PCDHA4: variants seen among roughly 807,000 people sequenced by gnomAD.
PCDHA4 encodes the protein protocadherin alpha-4.
A neutral mutation model predicts 61.4 loss-of-function variants in PCDHA4; 49 were observed. That is an observed-to-expected ratio of 0.80 (90% CI 0.63 to 1.01). PCDHA4 has a LOEUF of 1.01. Among genes scored for constraint, PCDHA4 ranks in the 50% least tolerant of loss-of-function variants. The probability of loss-of-function intolerance (pLI) is 0.00; values close to 1 mark genes in which losing one functional copy is unlikely to be tolerated. For synonymous variants in PCDHA4, 590 were observed against 550.3 expected (o/e 1.07, Z -1.01); for missense variants, 1,254 against 1,235.8 (o/e 1.01, Z -0.22).
intron 1 of PCDHA4, chr5:140,850,222 C>T (rs1554144012): frequency 6.3e-7 from 1 of 1,593,746 alleles, no homozygotes; most frequent in East Asian, 2.2e-5. Flanking sequence ...ACTGACGGCG[C>T]AGTGAGCGAG....
intron 1 of PCDHA4, chr5:140,861,891 C>T (rs2047126506): frequency 6.5e-6 from 1 of 154,838 alleles, no homozygotes; most frequent in African/African-American, 2.4e-5. Flanking sequence ...CTGACAGGCA[C>T]CAAAGCATTA....
intron 1 of PCDHA4, chr5:140,829,943 G>T (rs1195178508): frequency 1.2e-6 from 2 of 1,613,992 alleles, no homozygotes; most frequent in Non-Finnish European, 1.7e-6. Flanking sequence ...GGCAAGCAGC[G>T]CTCGCTTCCC....
chr5:140,825,585 G>A (rs1768643956), intron 1 of PCDHA4: 1 of 151,552 alleles, frequency 6.6e-6, no homozygotes, highest in Non-Finnish European at 1.5e-5. Flanking sequence ...CCCACACCTG[G>A]CTAATTTTTT....
intron 1 of PCDHA4, among the ~76,000 whole-genome samples, chr5:140,922,557 CA>C (rs1214132732): frequency 3.2e-4 from 49 of 152,258 alleles, no homozygotes; most frequent in African/African-American, 1.1e-3. Context: ...GGAGAAAAGT[CA>C]GGATGACAAG....
intron 1 of PCDHA4, among the ~76,000 whole-genome samples, chr5:140,839,123 G>A (rs1346633787): frequency 6.6e-6 from 1 of 151,664 alleles, no homozygotes; most frequent in Admixed American, 6.6e-5. Flanking sequence ...GCCATAATAT[G>A]TCATTCACAT....
intron 1 of PCDHA4, chr5:140,967,112 C>G: frequency 6.2e-7 from 1 of 1,612,994 alleles, no homozygotes; most frequent in Non-Finnish European, 8.5e-7. Context: ...GCAGCGGCCT[C>G]GCTGCCTGCT....
intron 1 of PCDHA4, chr5:140,870,948 C>A (rs868931274): frequency 1.2e-6 from 2 of 1,613,466 alleles, no homozygotes; most frequent in African/African-American, 1.3e-5. Context: ...CGGCGGCGGG[C>A]GGCTCGCGCA....
At chr5:140,928,008 T>C in intron 1 of PCDHA4, 1 of 1,614,158 alleles carries the variant, frequency 6.2e-7, no homozygotes, top group Non-Finnish European at 8.5e-7. Context: ...TCGATTCTAA[T>C]GGTAGGGTCA....
intron 1 of PCDHA4, among the ~76,000 whole-genome samples, chr5:140,901,805 T>G (rs115665679): frequency 0.012 from 1,857 of 152,304 alleles, 44 homozygotes; most frequent in African/African-American, 0.042. Context: ...TGAACATTTT[T>G]ACAATATTGA....
At chr5:140,878,899 G>T (rs1301967468) in intron 1 of PCDHA4, among the ~76,000 whole-genome samples, 2 of 152,152 alleles carry the variant, frequency 1.3e-5, no homozygotes, top group Non-Finnish European at 2.9e-5. Context: ...CTACAGGCAG[G>T]CTCCACCACT....
Position 140,993,501 on chromosome 5 carries a change from C to T in PCDHA4, c.2533+10938C>T, listed in dbSNP as rs560043353. Among the ~76,000 whole-genome samples, 25 of 149,100 alleles carry T rather than the reference C, an allele frequency of 1.7e-4. No homozygotes were observed. The East Asian group carries it at 3.5e-3, about 21-fold the overall frequency. ...ACACACACACACACACACACACACA[C>T]ACACACACGGGGAGAGAGAGACAGA... On this transcript the variant is annotated intron_variant, in intron 3 of 3. Transcript: ENST00000530339.
intron 1 of PCDHA4, chr5:140,836,239 G>T: frequency 1.9e-6 from 3 of 1,613,796 alleles, no homozygotes; most frequent in Non-Finnish European, 1.7e-6. Flanking sequence ...GCCGGTGCGA[G>T]CATCCCGTTC....
intron 1 of PCDHA4, chr5:140,831,049 T>C (rs1289663905): frequency 6.6e-6 from 1 of 152,264 alleles, no homozygotes; most frequent in Non-Finnish European, 1.5e-5. Flanking sequence ...ATAGTGTTCA[T>C]TTATTGTCCC....
At chr5:140,969,221 C>A (rs1222433541) in intron 1 of PCDHA4, 1 of 1,614,040 alleles carries the variant, frequency 6.2e-7, no homozygotes, top group African/African-American at 1.3e-5. Context: ...AGGACCAGGG[C>A]CTTCGGGAGC....
chr5:140,988,818 CCAAA>C (rs1193685505), intron 3 of PCDHA4: 2 of 152,060 alleles, frequency 1.3e-5, no homozygotes, highest in Non-Finnish European at 2.9e-5. Flanking sequence ...AACAGTAGCC[CCAAA>C]CAGAGATCAC....
chr5:140,836,406 G>A (rs2150259956), intron 1 of PCDHA4: 4 of 1,613,782 alleles, frequency 2.5e-6, no homozygotes, highest in Middle Eastern at 1.6e-4. Context: ...AAGCGGCCAG[G>A]CACCAAAGGC....
At chr5:140,969,210 C>G in intron 1 of PCDHA4, 1 of 1,614,184 alleles carries the variant, frequency 6.2e-7, no homozygotes, top group Non-Finnish European at 8.5e-7. Context: ...GGGGCCCAGA[C>G]AGGACCAGGG....
intron 1 of PCDHA4, among the ~76,000 whole-genome samples, chr5:140,888,420 C>T (rs947790198): frequency 3.3e-5 from 5 of 152,130 alleles, no homozygotes; most frequent in African/African-American, 4.8e-5. Context: ...AACATCCTAC[C>T]GTGCACAGGA....
chr5:140,975,996 C>T (rs923472287), intron 1 of PCDHA4, among the ~76,000 whole-genome samples: 1 of 152,064 alleles, frequency 6.6e-6, no homozygotes, highest in African/African-American at 2.4e-5. Flanking sequence ...GAGGTACCAT[C>T]TAAGTATTAA....
Sources: allele counts gnomAD v4.1 joint callset (sites outside exome capture counted in the v4.1 genomes callset), GRCh38; gene constraint gnomAD v4.1.1; transcripts MANE v1.5; gene names NCBI Gene and HGNC (gene_info 2026-07-23, HGNC 2026-07-21).